The following SGCZ variants were observed in gnomAD, a reference collection of about 807,000 sequenced individuals.
SGCZ encodes zeta-sarcoglycan.
SGCZ carries 40 observed loss-of-function variants against 41.3 expected under a neutral mutation model. That is an observed-to-expected ratio of 0.97 (90% CI 0.75 to 1.26). SGCZ has a LOEUF of 1.26. SGCZ is among the 50% of genes most tolerant of loss of function. The pLI, the probability that SGCZ is intolerant of heterozygous loss-of-function variation, is 0.00. For synonymous variants in SGCZ, 206 were observed against 137.5 expected (o/e 1.50, Z -3.49); for missense variants, 552 against 369.8 (o/e 1.49, Z -4.04).
At chr8:14,441,510 G>C (rs1236145788) in intron 2 of SGCZ, among the ~76,000 whole-genome samples, 1 of 152,182 alleles carries the variant, frequency 6.6e-6, no homozygotes, top group Non-Finnish European at 1.5e-5. Context: ...GGGAGGTGGA[G>C]GTTGCAGTAA....
chr8:14,951,920 C>T (rs1469470229), intron 1 of SGCZ, among the ~76,000 whole-genome samples: 1 of 151,932 alleles, frequency 6.6e-6, no homozygotes, highest in Non-Finnish European at 1.5e-5. Flanking sequence ...ATTTGCTTGC[C>T]TAGTGGGCAT....
intron 1 of SGCZ, among the ~76,000 whole-genome samples, chr8:14,847,651 G>A (rs1585315207): frequency 7.1e-6 from 1 of 141,734 alleles, no homozygotes; most frequent in African/African-American, 2.6e-5. Context: ...AGGAGGGAGG[G>A]AGGCAGGGAG....
chr8:14,893,007 G>A (rs1003055195), intron 1 of SGCZ, among the ~76,000 whole-genome samples: 8 of 152,164 alleles, frequency 5.3e-5, no homozygotes. Context: ...GCAGAAGAAT[G>A]ACAGACGTCT....
At chr8:14,386,947 C>T (rs78947391) in intron 2 of SGCZ, among the ~76,000 whole-genome samples, 1,920 of 152,122 alleles carry the variant, frequency 0.013, 40 homozygotes, top group African/African-American at 0.042. Flanking sequence ...AATAAAATGG[C>T]GAAGGCTAGA....
chr8:14,898,104 T>TA (rs78313051), intron 1 of SGCZ, among the ~76,000 whole-genome samples: 56 of 145,356 alleles, frequency 3.9e-4, no homozygotes, highest in African/African-American at 6.3e-4. Flanking sequence ...ATTATAAACT[T>TA]AAAAAAAAAA....
chr8:14,339,341 T>G (rs890837814), intron 2 of SGCZ, among the ~76,000 whole-genome samples: 7 of 152,214 alleles, frequency 4.6e-5, no homozygotes, highest in Admixed American at 2.0e-4. Context: ...AACCAAGTTC[T>G]GAAAACAATT....
At chr8:14,795,901 C>G (rs545245270) in intron 1 of SGCZ, among the ~76,000 whole-genome samples, 23 of 152,248 alleles carry the variant, frequency 1.5e-4, no homozygotes, top group African/African-American at 5.3e-4. Flanking sequence ...ATTTAGTTCC[C>G]ACTTACAAGT....
intron 1 of SGCZ, among the ~76,000 whole-genome samples, chr8:14,992,161 C>G (rs139973432): frequency 6.7e-6 from 1 of 148,934 alleles, no homozygotes; most frequent in Non-Finnish European, 1.5e-5. Flanking sequence ...CCCCATCATC[C>G]TCATCTAATC....
intron 1 of SGCZ, among the ~76,000 whole-genome samples, chr8:15,102,554 G>A (rs1448174153): frequency 6.6e-6 from 1 of 152,092 alleles, no homozygotes; most frequent in Non-Finnish European, 1.5e-5. Flanking sequence ...ATTGGTTTAT[G>A]AAATATAACA....
intron 1 of SGCZ, among the ~76,000 whole-genome samples, chr8:14,825,330 T>C (rs1260460935): frequency 2.6e-5 from 4 of 152,192 alleles, no homozygotes; most frequent in East Asian, 3.9e-4. Flanking sequence ...TTTCACACTC[T>C]AGAACCTAAT....
chr8:14,851,180 T>A (rs540116909), intron 1 of SGCZ, among the ~76,000 whole-genome samples: 1 of 151,786 alleles, frequency 6.6e-6, no homozygotes, highest in South Asian at 2.1e-4. Context: ...CCATCCTGGC[T>A]AACATAGTGA....
At chr8:14,367,276 T>A (rs995730374) in intron 2 of SGCZ, among the ~76,000 whole-genome samples, 16 of 152,060 alleles carry the variant, frequency 1.1e-4, no homozygotes, top group African/African-American at 3.9e-4. Context: ...ATTATCCATA[T>A]CACTATTAGC....
At chr8:14,346,816 T>A (rs1299762088) in intron 2 of SGCZ, among the ~76,000 whole-genome samples, 1 of 152,064 alleles carries the variant, frequency 6.6e-6, no homozygotes, top group East Asian at 1.9e-4. Flanking sequence ...CATAAATATT[T>A]GTGTGCGCGC....
chr8:14,373,856 C>T (rs1414890034), intron 2 of SGCZ, among the ~76,000 whole-genome samples: 1 of 152,026 alleles, frequency 6.6e-6, no homozygotes. Flanking sequence ...TTCTAGATCT[C>T]TGAGAAATAG....
chr8:14,997,841 T>A (rs1802271241), intron 1 of SGCZ, among the ~76,000 whole-genome samples: 1 of 152,152 alleles, frequency 6.6e-6, no homozygotes, highest in South Asian at 2.1e-4. Flanking sequence ...ACGCCTGTAA[T>A]CCCAGATACT....
intron 2 of SGCZ, among the ~76,000 whole-genome samples, chr8:14,533,510 T>C (rs1321338427): frequency 6.6e-6 from 1 of 151,996 alleles, no homozygotes; most frequent in Non-Finnish European, 1.5e-5. Flanking sequence ...CATTATCCTA[T>C]GATAGCAAAT....
At chr8:15,186,049 C>T (rs565586210) in intron 1 of SGCZ, among the ~76,000 whole-genome samples, 1 of 148,844 alleles carries the variant, frequency 6.7e-6, no homozygotes, top group Non-Finnish European at 1.5e-5. Context: ...CGGTGAAACC[C>T]CGTCTTTACT....
chr8:14,300,571 T>A (rs34614527), intron 3 of SGCZ, among the ~76,000 whole-genome samples: 1 of 151,724 alleles, frequency 6.6e-6, no homozygotes, highest in African/African-American at 2.4e-5. Flanking sequence ...AAGATTGTTA[T>A]GAAGATTAAA....
chr8:14,152,183 A>G (rs1159742504), intron 5 of SGCZ, among the ~76,000 whole-genome samples: 1 of 152,020 alleles, frequency 6.6e-6, no homozygotes, highest in Non-Finnish European at 1.5e-5. Context: ...TTATATATAT[A>G]TCCTATAGAG....
Sources: allele counts gnomAD v4.1 joint callset (sites outside exome capture counted in the v4.1 genomes callset), GRCh38; gene constraint gnomAD v4.1.1; transcripts MANE v1.5; gene names NCBI Gene and HGNC (gene_info 2026-07-23, HGNC 2026-07-21).